OXNAD1: variants seen among roughly 807,000 people sequenced by gnomAD.
OXNAD1 encodes the protein oxidoreductase NAD-binding domain-containing protein 1.
In OXNAD1, 34 loss-of-function variants were observed where a neutral mutation model predicts 32.9. The observed-to-expected ratio is 1.03, with a 90% CI of 0.79 to 1.38. The LOEUF is 1.38. Ranked by LOEUF, OXNAD1 falls within the 40% of genes most tolerant of loss-of-function variation. The probability of loss-of-function intolerance (pLI) is 0.00; values close to 1 mark genes in which losing one functional copy is unlikely to be tolerated. For missense variants in OXNAD1, 407 were observed against 379.4 expected (o/e 1.07, Z -0.60); for synonymous variants, 134 against 135.2 (o/e 0.99, Z 0.06).
rs2066140489 is a variant in OXNAD1 at position 16,287,309 on chromosome 3, G to C, written c.290+861G>C. Among the ~76,000 whole-genome samples the C allele has an allele frequency of 6.6e-6, 1 of 151,354 alleles. No individual in the cohort carries two copies. Among genetic ancestry groups the C allele is most frequent in the African/African-American group, 2.5e-5 (1 of 40,632 alleles). Reference sequence around the variant, plus strand: ...TCCATCTGGAAATGTGGTTTTGTTAGAAGGAGGATGTGTGATAATAGCAAG... The same window carrying C: ...TCCATCTGGAAATGTGGTTTTGTTACAAGGAGGATGTGTGATAATAGCAAG... On this transcript the variant is annotated intron_variant, in intron 5 of 8. Coordinates refer to ENST00000285083, the MANE Select transcript of OXNAD1 (RefSeq NM_138381.5). The surrounding 1 kb of genome is among the most constrained non-coding windows in gnomAD (Gnocchi z 4.8).
Position 16,342,431 on chromosome 3 carries a change from T to A in OXNAD1, c.*31-6745T>A, listed in dbSNP as rs934010769. Among the ~76,000 whole-genome samples the A allele has an allele frequency of 6.6e-6, 1 of 152,254 alleles. No homozygotes were observed. Among genetic ancestry groups the A allele is most frequent in the Non-Finnish European group, 1.5e-5 (1 of 68,044 alleles). Reference sequence around the variant, plus strand: ...TGGATATACCATAGTTTATTCATCATTTGATGAACATTTAAGTTGTTTCTA... The same window carrying A: ...TGGATATACCATAGTTTATTCATCAATTGATGAACATTTAAGTTGTTTCTA... On this transcript the variant is annotated intron_variant, in intron 9 of 9. Transcript: ENST00000606098. The surrounding 1 kb of genome is among the most constrained non-coding windows in gnomAD (Gnocchi z 4.0).
chr3:16,303,894 GAAAATGTGATTTTTGAGTAT>G lies in OXNAD1; in HGVS notation c.*341_*360del, dbSNP rs2125102922. On this transcript the variant is annotated 3_prime_UTR_variant, in exon 9 of 9. Transcript: ENST00000285083. This position sits in a 1 kb window ranked among gnomAD's most constrained non-coding sequence, Gnocchi z 4.8. ...GATATATACTTATGTCTAATCATAG[GAAAATGTGATTTTTGAGTAT>G]AAAATGTGGGCTAGCTTTAAATTAT... The G allele has an allele frequency of 6.1e-6, 1 of 165,214 alleles. No homozygotes were observed. The highest frequency in any genetic ancestry group is 2.0e-4 in the South Asian group (1 of 5,004). The allele number at this position is 165,214 out of a possible 1,614,324, so 10.2% of individuals were successfully genotyped here.
Position 16,317,958 on chromosome 3 carries a change from C to T in OXNAD1, c.*30+14366C>T, listed in dbSNP as rs1387076751. 6.6e-6 allele frequency among the ~76,000 whole-genome samples: 1 copy of T among 152,202 alleles called. No individual in the cohort carries two copies. The highest frequency in any genetic ancestry group is 2.4e-5 in the African/African-American group (1 of 41,442). ...CATCACAGCCCAAATTCTCCCTCTG[C>T]CCGCTACTGTACCGACAAGTGTTCT... is the stretch of plus-strand genomic sequence containing the variant. On this transcript the variant is annotated intron_variant, in intron 9 of 9. Coordinates refer to the OXNAD1 transcript ENST00000435829. The surrounding 1 kb of genome is among the most constrained non-coding windows in gnomAD (Gnocchi z 4.3).
chr3:16,272,107 G>A (rs576294660), intron 4 of OXNAD1: 19 of 392,304 alleles, frequency 4.8e-5, no homozygotes, highest in African/African-American at 2.0e-4. Context: ...TTTTTTTTGC[G>A]TCACATCTCA....
rs892555515 is a variant in OXNAD1, at chr3:16,322,973, A to G, written c.*31-14139A>G. Among the ~76,000 whole-genome samples the G allele has an allele frequency of 6.6e-6, 1 of 152,194 alleles. No homozygotes were observed. The highest frequency in any genetic ancestry group is 1.5e-5 in the Non-Finnish European group (1 of 68,026). ...TTTTAATGTCCTAAGGAATCTTAAC[A>G]GGGCAGGCCAGAGCTCCAACTAGCT... On this transcript the variant is annotated intron_variant, in intron 9 of 9. Transcript: ENST00000435829. The surrounding 1 kb of genome is among the most constrained non-coding windows in gnomAD (Gnocchi z 6.2).
chr3:16,306,133 A>G (rs2067538962), downstream of OXNAD1: 1 of 152,208 alleles, frequency 6.6e-6, no homozygotes, highest in Admixed American at 6.5e-5. Flanking sequence ...CTTTTGACAT[A>G]AGACCCTTTC....
Position 16,271,205 on chromosome 3 carries a change from A to G in OXNAD1, c.119+134A>G. 1.8e-6 allele frequency: 2 copies of G among 1,111,118 alleles called. No homozygotes were observed. The highest frequency in any genetic ancestry group is 2.5e-5 in the East Asian group (1 of 39,710). The allele number at this position is 1,111,118 out of a possible 1,614,324, so 68.8% of individuals were successfully genotyped here. A position where few individuals can be genotyped will look rare whatever the true frequency, so the allele number is the denominator to read the frequency against. ...TCAATGTGCATGCTGTCAGGTTGTT[A>G]ACCGTTTTTTTTGTCTGAGATGGAG... On this transcript the variant is annotated intron_variant, in intron 3 of 8. Transcript: ENST00000285083. This position sits in a 1 kb window ranked among gnomAD's most constrained non-coding sequence, Gnocchi z 4.6.
chr3:16,303,541 T>G lies in OXNAD1; in HGVS notation c.918T>G (p.Ile306Met). ...ACAACCATGTACCCAAAGAACACAT[T>G]TGCTTTGAGAAGTGGTGGTAGGAGG... is the stretch of plus-strand genomic sequence containing the variant. Reference protein sequence around the residue: ...LENNHVPKEHICFEKWW With the variant: ...LENNHVPKEHMCFEKWW Residue 306 changes from isoleucine to methionine, a missense_variant, in exon 9 of 9, where the codon ATT (isoleucine) becomes ATG (methionine). Physicochemically the swap from Ile to Met is conservative, Grantham distance 10. Transcript: ENST00000285083. This position sits in a 1 kb window ranked among gnomAD's most constrained non-coding sequence, Gnocchi z 4.8. The G allele has an allele frequency of 6.2e-7, 1 of 1,613,926 alleles. No individual in the cohort carries two copies. Among genetic ancestry groups the G allele is most frequent in the East Asian group, 2.2e-5 (1 of 44,838 alleles).
At chr3:16,338,335 C>G (rs1220228914), downstream of OXNAD1, among the ~76,000 whole-genome samples, 1 of 152,252 alleles carries the variant, frequency 6.6e-6, no homozygotes, top group Non-Finnish European at 1.5e-5. This position sits in a 1 kb window ranked among gnomAD's most constrained non-coding sequence, Gnocchi z 5.3. Context: ...GCCGGACATG[C>G]GGCGGCTAAG....
chr3:16,283,293 C>T (rs1354352062), intron 4 of OXNAD1, among the ~76,000 whole-genome samples: 3 of 152,100 alleles, frequency 2.0e-5, no homozygotes, highest in African/African-American at 7.2e-5. Context: ...GAAGGAATGA[C>T]TTTGGTGGAT....
In OXNAD1 at chr3:16,270,974, A is replaced by C. The variant is rs780021376; in HGVS notation, c.22A>C (p.Ile8Leu). The change falls in exon 3 of 9, where the codon ATT (isoleucine) becomes CTT (leucine). Residue 8 changes from isoleucine (I) to leucine (L), a missense_variant. By Grantham distance (5) the Ile-to-Leu change is conservative. Transcript: ENST00000285083. Reference protein sequence around the residue: MACAAVMIPGLLRCSVGA... With the variant: MACAAVMLPGLLRCSVGA... ...CGCCATGGCCTGTGCTGCTGTTATG[A>C]TTCCTGGGTTGTTGCGGTGCTCTGT... 6.2e-7 allele frequency: 1 copy of C among 1,614,156 alleles called. No individual in the cohort carries two copies. The highest frequency in any genetic ancestry group is 2.2e-5 in the East Asian group (1 of 44,894).
rs376613094 is a variant in OXNAD1, at chr3:16,301,710, G to A, written c.517G>A (p.Val173Met). Reference protein sequence around the residue: ...PQPADASRNLVLIAGGVGINP... With the variant: ...PQPADASRNLMLIAGGVGINP... ...GCCTGCGGATGCCTCTAGAAACCTC[G>A]TGTTGATTGCAGGAGGAGTCGGAAT... is the stretch of plus-strand genomic sequence containing the variant. Residue 173 changes from valine to methionine, a missense_variant, in exon 7 of 9, where the codon GTG (valine) becomes ATG (methionine). Transcript: ENST00000285083. This position sits in a 1 kb window ranked among gnomAD's most constrained non-coding sequence, Gnocchi z 4.1. The A allele has an allele frequency of 1.4e-4, 224 of 1,613,894 alleles. 3 individuals are homozygous for A. Among genetic ancestry groups the A allele is most frequent in the East Asian group, 2.2e-5 (1 of 44,844 alleles).
chr3:16,343,472 A>G (rs2071442601), intron 9 of OXNAD1, among the ~76,000 whole-genome samples: 1 of 152,098 alleles, frequency 6.6e-6, no homozygotes, highest in Non-Finnish European at 1.5e-5. Context: ...AACATGTCCA[A>G]TTGTTTCCCA....
rs543388480 is a variant in OXNAD1 at position 16,280,008 on chromosome 3, C to T, written c.184-6334C>T. 2.7e-4 allele frequency among the ~76,000 whole-genome samples: 41 copies of T among 152,308 alleles called. No homozygotes were observed. Among genetic ancestry groups the T allele is most frequent in the African/African-American group, 6.5e-4 (27 of 41,562 alleles). ...CCACAAGTGCCTGGTTTTAAATCTG[C>T]TTTGCCCCTTACTGGCTCTGGGACC... On this transcript the variant is annotated intron_variant, in intron 4 of 8. Transcript: ENST00000285083. This position sits in a 1 kb window ranked among gnomAD's most constrained non-coding sequence, Gnocchi z 4.5.
At chr3:16,324,175 GTA>G (rs2069411925) in intron 9 of OXNAD1, among the ~76,000 whole-genome samples, 1 of 151,902 alleles carries the variant, frequency 6.6e-6, no homozygotes, top group Non-Finnish European at 1.5e-5. Flanking sequence ...AATAATAATT[GTA>G]TATTTATGGG....
intron 5 of OXNAD1, among the ~76,000 whole-genome samples, chr3:16,292,130 CTTAATA>C (rs1575116137): frequency 6.7e-6 from 1 of 150,072 alleles, no homozygotes; most frequent in South Asian, 2.1e-4. Context: ...ATACAAGAAC[CTTAATA>C]TTAATAGATA....
chr3:16,344,982 A>AG lies in OXNAD1; in HGVS notation c.*31-4189dup, dbSNP rs982740297. On this transcript the variant is annotated intron_variant, in intron 9 of 9. Transcript: ENST00000606098. This position sits in a 1 kb window ranked among gnomAD's most constrained non-coding sequence, Gnocchi z 4.4. ...CAAACTATGCATTTTAAGCTCTTTT[A>AG]GGGGGCCACATGGAAAGCATAAGAA... The AG allele has an allele frequency of 3.3e-4, 51 of 152,276 alleles. No homozygotes were observed. Among genetic ancestry groups the AG allele is most frequent in the African/African-American group, 1.2e-3 (48 of 41,546 alleles). The allele number at this position is 152,276 out of a possible 1,614,324, so 9.4% of individuals were successfully genotyped here.
At position 16,301,770 on chromosome 3, in the gene OXNAD1, G is replaced by A. The variant is rs1253709077; in HGVS notation, c.577G>A (p.Asp193Asn). ...PLLSILRHAA[D>N]LLREQANKRN... ...GCTTTCCATCCTGCGGCACGCAGCAGATCTCCTCAGAGAGCAGGCAAACAA... is the reference window on the plus strand; with the variant it reads ...GCTTTCCATCCTGCGGCACGCAGCAAATCTCCTCAGAGAGCAGGCAAACAA... The change falls in exon 7 of 9, where the codon GAT becomes AAT. Residue 193 changes from aspartate (D) to asparagine (N), a missense_variant. Coordinates refer to ENST00000285083, the MANE Select transcript of OXNAD1 (RefSeq NM_138381.5). This position sits in a 1 kb window ranked among gnomAD's most constrained non-coding sequence, Gnocchi z 4.1. 9 of 1,614,054 alleles carry A rather than the reference G, an allele frequency of 5.6e-6. No homozygotes were observed. The highest frequency in any genetic ancestry group is 7.6e-6 in the Non-Finnish European group (9 of 1,179,996).
chr3:16,312,579 C>T lies in OXNAD1; in HGVS notation c.*30+8987C>T, dbSNP rs1413887892. ...CCCAGACTGTGTGCTCCCTGCAGCA[C>T]AGTGCCCCTATGCCAGCTAGGAGCT... On this transcript the variant is annotated intron_variant, in intron 9 of 9. Transcript: ENST00000435829. The surrounding 1 kb of genome is among the most constrained non-coding windows in gnomAD (Gnocchi z 4.7). Among the ~76,000 whole-genome samples the T allele has an allele frequency of 3.3e-5, 5 of 152,238 alleles. No homozygotes were observed. The highest frequency in any genetic ancestry group is 7.3e-5 in the Non-Finnish European group (5 of 68,040).
Sources: allele counts gnomAD v4.1 joint callset (sites outside exome capture counted in the v4.1 genomes callset), GRCh38; gene constraint gnomAD v4.1.1; non-coding constraint Gnocchi (gnomAD v3.1); transcripts MANE v1.5; gene names NCBI Gene and HGNC (gene_info 2026-07-23, HGNC 2026-07-21).